The following SLC4A10 variants were observed in gnomAD, a reference collection of about 807,000 sequenced individuals.
SLC4A10 encodes solute carrier family 4 member 10, also known as sodium-driven chloride bicarbonate exchanger.
In SLC4A10, 42 loss-of-function variants were observed where a neutral mutation model predicts 137.7. The ratio of observed to expected loss-of-function variants is 0.30; its 90% confidence interval spans 0.24 to 0.39. SLC4A10 has a LOEUF of 0.39. Among genes scored for constraint, SLC4A10 ranks in the 10% least tolerant of loss-of-function variants. SLC4A10 has a pLI of 1.00. For missense variants in SLC4A10, 925 were observed against 1,355.0 expected, an observed-to-expected ratio of 0.68 and a Z score of 4.98; for synonymous variants, 474 against 464.1, an observed-to-expected ratio of 1.02 and a Z score of -0.27.
chr2:161,896,850 A>G (rs750052495), intron 11 of SLC4A10, among the ~76,000 whole-genome samples: 11 of 152,102 alleles, frequency 7.2e-5, no homozygotes, highest in Non-Finnish European at 1.0e-4. Context: ...ATATGCCTGG[A>G]AAGATTTTAG....
intron 25 of SLC4A10, 130 bp from the exon 26 acceptor site, chr2:161,977,592 A>G: frequency 1.4e-6 from 1 of 702,154 alleles, no homozygotes; most frequent in African/African-American, 1.8e-5. Context: ...TGTTATGCTA[A>G]TATCTCTTTT....
At chr2:161,937,906 T>G (rs1357558161) in intron 15 of SLC4A10, among the ~76,000 whole-genome samples, 2 of 151,870 alleles carry the variant, frequency 1.3e-5, no homozygotes, top group African/African-American at 2.4e-5. Flanking sequence ...TGTTATAGAG[T>G]GAATTTTTCT....
chr2:161,856,491 T>C (rs1334160878), intron 5 of SLC4A10, among the ~76,000 whole-genome samples: 2 of 151,876 alleles, frequency 1.3e-5, no homozygotes, highest in Non-Finnish European at 2.9e-5. Context: ...AGCTAGAGCC[T>C]GAAAGACTTT....
chr2:161,900,307 T>C (rs968215473), intron 11 of SLC4A10, among the ~76,000 whole-genome samples: 3 of 152,134 alleles, frequency 2.0e-5, no homozygotes, highest in African/African-American at 7.2e-5. Flanking sequence ...GAAAGACCTA[T>C]ATTGTAAACT....
At chr2:161,940,096 A>G (rs1228046589) in intron 15 of SLC4A10, among the ~76,000 whole-genome samples, 1 of 152,156 alleles carries the variant, frequency 6.6e-6, no homozygotes, top group Admixed American at 6.5e-5. Context: ...GTATACAGCA[A>G]ATGAAGAAAC....
chr2:161,634,395 G>C (rs1378834221), intron 1 of SLC4A10, among the ~76,000 whole-genome samples: 1 of 151,750 alleles, frequency 6.6e-6, no homozygotes, highest in African/African-American at 2.4e-5. Context: ...CCATTGAAAA[G>C]TCAAAAAAGT....
intron 1 of SLC4A10, among the ~76,000 whole-genome samples, chr2:161,629,784 T>G (rs762496828): frequency 2.6e-5 from 4 of 151,912 alleles, no homozygotes; most frequent in Non-Finnish European, 5.9e-5. Context: ...GAGTATTATA[T>G]AGTTGGAATC....
chr2:161,838,082 A>G (rs566434493), intron 3 of SLC4A10, among the ~76,000 whole-genome samples: 30 of 152,232 alleles, frequency 2.0e-4, no homozygotes, highest in Non-Finnish European at 3.8e-4. Flanking sequence ...ACTTTGTTAT[A>G]GTATCCTGGA....
At chr2:161,825,847 A>G (rs1264867348) in intron 3 of SLC4A10, among the ~76,000 whole-genome samples, 5 of 152,170 alleles carry the variant, frequency 3.3e-5, no homozygotes, top group African/African-American at 9.7e-5. Flanking sequence ...TGTCTGTTTC[A>G]TCTCATGATC....
intron 4 of SLC4A10, among the ~76,000 whole-genome samples, chr2:161,844,360 A>C (rs1044625680): frequency 1.3e-5 from 2 of 152,142 alleles, no homozygotes; most frequent in Non-Finnish European, 2.9e-5. Context: ...AATAATATGG[A>C]TTAAGAACAG....
chr2:161,671,830 A>G (rs952922169), intron 1 of SLC4A10, among the ~76,000 whole-genome samples: 1 of 152,248 alleles, frequency 6.6e-6, no homozygotes, highest in South Asian at 2.1e-4. Context: ...GATGAAAATT[A>G]TCTCTGATAT....
chr2:161,884,279 T>C (rs1030627296), intron 10 of SLC4A10, among the ~76,000 whole-genome samples: 2 of 152,164 alleles, frequency 1.3e-5, no homozygotes, highest in Non-Finnish European at 2.9e-5. Flanking sequence ...TATTTTAAGA[T>C]ATCTGTGGGG....
At chr2:161,758,928 C>T (rs1006307370) in intron 1 of SLC4A10, among the ~76,000 whole-genome samples, 2 of 151,824 alleles carry the variant, frequency 1.3e-5, no homozygotes, top group African/African-American at 4.8e-5. Flanking sequence ...CCCTTACTTT[C>T]ATCTAGAAAA....
chr2:161,886,002 G>T (rs2062243194), intron 10 of SLC4A10, among the ~76,000 whole-genome samples: 1 of 152,042 alleles, frequency 6.6e-6, no homozygotes, highest in South Asian at 2.1e-4. Flanking sequence ...GGGAGGGTGA[G>T]GTGGGCGGAT....
At chr2:161,926,386 G>T (rs866312324) in intron 15 of SLC4A10, among the ~76,000 whole-genome samples, 93 of 22,908 alleles carry the variant, frequency 4.1e-3, no homozygotes, top group East Asian at 0.024. Flanking sequence ...CCTTTTTTTG[G>T]TTTTTTTTTT....
In SLC4A10 at chr2:161,947,522, C is replaced by T. The variant is rs200941961; in HGVS notation, c.2104-44C>T. On this transcript the variant is annotated intron_variant, in intron 16 of 26. Transcript: ENST00000446997. ...GTTAGTTTTCTGCAAGAAATGTGTC[C>T]GGTTTTTTCTTAGTAGCTCCATTTG... 4.4e-3 allele frequency: 6,950 copies of T among 1,580,852 alleles called. 22 individuals are homozygous for T. The highest frequency in any genetic ancestry group is 5.3e-3 in the Non-Finnish European group (6,216 of 1,163,608).
chr2:161,873,965 A>G lies in SLC4A10; in HGVS notation c.908A>G (p.Gln303Arg). Residue 303 changes from glutamine (Q) to arginine (R), a missense_variant, in exon 8 of 27, where the codon CAA (glutamine) becomes CGA (arginine). Gln to Arg is a conservative substitution (Grantham distance 43, BLOSUM62 1). Around this residue, in one of 11 missense-constraint regions of SLC4A10, gnomAD observed 277 missense variants for 306.1 expected, o/e 0.90. Coordinates refer to ENST00000446997, the MANE Select transcript of SLC4A10 (RefSeq NM_001178015.2). The stretch of plus-strand genomic sequence containing the variant: ...CATACTAGTCCATGTGGGATGAAAC[A>G]AAGGCATGAAAAAGGACCTCCACAC... ...KGHTSPCGMK[Q>R]RHEKGPPHQQ... The G allele has an allele frequency of 6.3e-7, 1 of 1,594,726 alleles. No individual in the cohort carries two copies. The highest frequency in any genetic ancestry group is 8.5e-7 in the Non-Finnish European group (1 of 1,178,070).
chr2:161,978,209 AC>A (rs1699686658), intron 26 of SLC4A10, among the ~76,000 whole-genome samples: 1 of 151,720 alleles, frequency 6.6e-6, no homozygotes. Flanking sequence ...ACATGGTGAA[AC>A]CTTTTCTGTA....
intron 11 of SLC4A10, among the ~76,000 whole-genome samples, chr2:161,896,235 G>A (rs533839344): frequency 6.6e-5 from 10 of 151,512 alleles, no homozygotes; most frequent in South Asian, 2.1e-4. Context: ...GATATGCAGC[G>A]TTATTTCTGA....
Sources: gnomAD v4.1 joint callset for allele counts (sites outside exome capture counted in the v4.1 genomes callset) on GRCh38, gnomAD v4.1.1 for gene constraint, gnomAD v4.1.1 regional missense constraint, MANE v1.5 for transcripts, NCBI Gene and HGNC (gene_info 2026-07-23, HGNC 2026-07-21) for gene names.